NFIA: variants seen among roughly 807,000 people sequenced by gnomAD.
The protein encoded by NFIA is nuclear factor 1 A-type.
Under a neutral mutation model 62.8 loss-of-function variants are expected in NFIA, and 8 were observed. The ratio of observed to expected loss-of-function variants is 0.13; its 90% CI spans 0.07 to 0.23. The LOEUF is 0.23. Among genes scored for constraint, NFIA ranks in the 10% least tolerant of loss-of-function variants. The pLI, the probability that NFIA is intolerant of heterozygous loss-of-function variation, is 1.00. For synonymous variants in NFIA, 235 were observed against 238.1 expected, an observed-to-expected ratio of 0.99 and a Z score of 0.12; for missense variants, 410 against 642.1, an observed-to-expected ratio of 0.64 and a Z score of 3.91.
intron 3 of NFIA, among the ~76,000 whole-genome samples, chr1:61,318,309 G>A (rs1660478913): frequency 6.6e-6 from 1 of 152,158 alleles, no homozygotes; most frequent in Admixed American, 6.5e-5. Context: ...ATGGTAATAA[G>A]TCGCTGAGGA....
rs1305850673 is a variant in NFIA at position 61,459,518 on chromosome 1, T to G, written c.*4198T>G. ...ACCCTGGCATGACAGTTACGTGTGG[T>G]CAGCCCGCTCCCCAGGCCCGTCCCT... On this transcript the variant is annotated 3_prime_UTR_variant, in exon 11 of 11. Coordinates refer to ENST00000403491, the MANE Select transcript of NFIA (RefSeq NM_001134673.4). 1 of 152,264 alleles carries G rather than the reference T, an allele frequency of 6.6e-6. No homozygotes were observed. The highest frequency in any genetic ancestry group is 6.6e-5 in the Admixed American group (1 of 15,266). The allele number at this position is 152,264 out of a possible 1,614,324, so 9.4% of individuals were successfully genotyped here.
At chr1:61,431,220 G>A (rs1404891723) in intron 10 of NFIA, among the ~76,000 whole-genome samples, 1 of 152,116 alleles carries the variant, frequency 6.6e-6, no homozygotes, top group African/African-American at 2.4e-5. Flanking sequence ...TTAAGAGGAG[G>A]CGTTTACTTA....
intron 2 of NFIA, among the ~76,000 whole-genome samples, chr1:61,191,642 T>TTC (rs1010221808): frequency 1.1e-4 from 17 of 152,278 alleles, no homozygotes; most frequent in African/African-American, 4.1e-4. Flanking sequence ...ATGTGCCTCT[T>TTC]TCTGGGTTCC....
intron 3 of NFIA, among the ~76,000 whole-genome samples, chr1:61,278,749 C>A (rs1293942929): frequency 6.6e-6 from 1 of 152,054 alleles, no homozygotes; most frequent in African/African-American, 2.4e-5. Flanking sequence ...TGAGATTGCG[C>A]CACTGCACTC....
intron 9 of NFIA, among the ~76,000 whole-genome samples, chr1:61,411,038 C>T (rs1013971975): frequency 2.6e-5 from 4 of 152,156 alleles, no homozygotes; most frequent in Non-Finnish European, 4.4e-5. Flanking sequence ...TACTCACTCT[C>T]GTAGTCAGAT....
chr1:61,118,910 A>C (rs1239042532), intron 2 of NFIA, among the ~76,000 whole-genome samples: 2 of 152,222 alleles, frequency 1.3e-5, no homozygotes, highest in East Asian at 3.9e-4. Context: ...AATTCAAGGA[A>C]ATAATTGCTG....
intron 2 of NFIA, among the ~76,000 whole-genome samples, chr1:61,130,479 T>A (rs1292010511): frequency 6.6e-6 from 1 of 152,174 alleles, no homozygotes; most frequent in Non-Finnish European, 1.5e-5. Context: ...AAGACAGAAT[T>A]TATTTAGGAA....
At chr1:61,131,206 T>A (rs1396862627) in intron 2 of NFIA, among the ~76,000 whole-genome samples, 1 of 151,264 alleles carries the variant, frequency 6.6e-6, no homozygotes, top group Non-Finnish European at 1.5e-5. Context: ...CACCTCACCC[T>A]CTTCTTCACT....
chr1:61,133,913 G>T (rs1439188029), intron 2 of NFIA, among the ~76,000 whole-genome samples: 2 of 151,806 alleles, frequency 1.3e-5, no homozygotes, highest in African/African-American at 2.4e-5. Flanking sequence ...AGGCTGAGGG[G>T]GTGGATCCAG....
At position 61,221,437 on chromosome 1, in the gene NFIA, ATTTAAG is replaced by A. The variant is rs1654010506; in HGVS notation, c.560-56077_560-56072del. Among the ~76,000 whole-genome samples the A allele has an allele frequency of 2.6e-5, 4 of 152,266 alleles. No individual in the cohort carries two copies. The South Asian group carries it at 8.3e-4, about 32-fold the overall frequency. On this transcript the variant is annotated intron_variant, in intron 2 of 10. Coordinates refer to ENST00000403491, the MANE Select transcript of NFIA (RefSeq NM_001134673.4). ...ACTTTGCTGAGAAAAGAAGGAAGGA[ATTTAAG>A]TTTAAAAGGGATCTGACAAAAACTT... is the stretch of plus-strand genomic sequence containing the variant.
intron 2 of NFIA, among the ~76,000 whole-genome samples, chr1:61,252,246 T>C (rs1656087679): frequency 6.6e-6 from 1 of 152,214 alleles, no homozygotes; most frequent in Non-Finnish European, 1.5e-5. Context: ...TACTGATTCC[T>C]TTGGCATGTT....
chr1:61,453,336 A>G (rs560016978), intron 10 of NFIA, among the ~76,000 whole-genome samples: 3 of 152,130 alleles, frequency 2.0e-5, no homozygotes, highest in African/African-American at 4.8e-5. Flanking sequence ...AAAGAGAACA[A>G]TAGACCAGAG....
At chr1:61,173,758 G>A (rs1372835467) in intron 2 of NFIA, among the ~76,000 whole-genome samples, 1 of 152,064 alleles carries the variant, frequency 6.6e-6, no homozygotes, top group African/African-American at 2.4e-5. Context: ...GGAGAATGAG[G>A]GTACATGCCA....
intron 2 of NFIA, among the ~76,000 whole-genome samples, chr1:61,161,884 A>T (rs1412221745): frequency 6.6e-6 from 1 of 152,178 alleles, no homozygotes; most frequent in African/African-American, 2.4e-5. Flanking sequence ...TTCTGCATAT[A>T]ATAATATTAG....
intron 4 of NFIA, among the ~76,000 whole-genome samples, chr1:61,346,614 C>A (rs901794638): frequency 1.3e-5 from 2 of 152,096 alleles, no homozygotes; most frequent in African/African-American, 4.8e-5. Context: ...TGTAAAAATT[C>A]TATTTTCTTT....
intron 3 of NFIA, among the ~76,000 whole-genome samples, chr1:61,297,230 A>C (rs1659235708): frequency 6.6e-6 from 1 of 152,204 alleles, no homozygotes; most frequent in South Asian, 2.1e-4. Context: ...GTATTCATTT[A>C]AGTGGGTTCT....
At chr1:61,321,983 TGGA>T (rs1408805230) in intron 3 of NFIA, among the ~76,000 whole-genome samples, 1 of 152,178 alleles carries the variant, frequency 6.6e-6, no homozygotes, top group Non-Finnish European at 1.5e-5. Flanking sequence ...ACAAGGCCTT[TGGA>T]TTAGACTGGG....
intron 2 of NFIA, among the ~76,000 whole-genome samples, chr1:61,156,226 C>A (rs1317516324): frequency 6.6e-6 from 1 of 152,212 alleles, no homozygotes; most frequent in East Asian, 1.9e-4. Flanking sequence ...CTCTAAGCCC[C>A]ATTTTCCAGA....
At chr1:61,159,874 G>T (rs1557605233) in intron 2 of NFIA, among the ~76,000 whole-genome samples, 1 of 151,980 alleles carries the variant, frequency 6.6e-6, no homozygotes, top group Non-Finnish European at 1.5e-5. Context: ...TAGAGACGGG[G>T]TTTCACCATG....
Sources: gnomAD v4.1 joint callset for allele counts (sites outside exome capture counted in the v4.1 genomes callset) on GRCh38, gnomAD v4.1.1 for gene constraint, MANE v1.5 for transcripts, NCBI Gene and HGNC (gene_info 2026-07-23, HGNC 2026-07-21) for gene names.